Variants in METAP1D observed in about 807,000 individuals in gnomAD.
The protein encoded by METAP1D is methionine aminopeptidase 1D, mitochondrial.
A neutral mutation model predicts 40.5 loss-of-function variants in METAP1D; 31 were observed. The observed-to-expected ratio is 0.77, with a 90% confidence interval of 0.58 to 1.03. The LOEUF is 1.03. Among genes scored for constraint, METAP1D ranks in the 50% least tolerant of loss-of-function variants. The pLI, the probability that METAP1D is intolerant of heterozygous loss-of-function variation, is 0.00. For synonymous variants in METAP1D, 151 were observed against 146.4 expected, an observed-to-expected ratio of 1.03 and a Z score of -0.22; for missense variants, 411 against 420.7, an observed-to-expected ratio of 0.98 and a Z score of 0.20.
chr2:172,079,575 C>T (rs538139920), intron 8 of METAP1D, among the ~76,000 whole-genome samples: 1 of 152,216 alleles, frequency 6.6e-6, no homozygotes, highest in Non-Finnish European at 1.5e-5. Flanking sequence ...GTCCCTTGCT[C>T]CCTGTCAGCA....
At chr2:172,070,876 G>A (rs757673094) in intron 5 of METAP1D, 31 bp from the exon 6 acceptor site, 2 of 1,548,328 alleles carry the variant, frequency 1.3e-6, no homozygotes, top group African/African-American at 1.4e-5. Context: ...TTTAAACAAG[G>A]ACATATTTTT....
chr2:172,026,303 G>A (rs1442432670), intron 1 of METAP1D, among the ~76,000 whole-genome samples: 1 of 151,960 alleles, frequency 6.6e-6, no homozygotes, highest in Non-Finnish European at 1.5e-5. Flanking sequence ...CTGCAAATTG[G>A]TGGTTCCATC....
intron 1 of METAP1D, among the ~76,000 whole-genome samples, chr2:172,059,293 G>A (rs1690076962): frequency 6.6e-6 from 1 of 151,948 alleles, no homozygotes; most frequent in Non-Finnish European, 1.5e-5. Flanking sequence ...ATTTTTAGTA[G>A]AGACAAGGTG....
intron 1 of METAP1D, among the ~76,000 whole-genome samples, chr2:172,008,994 C>G (rs1045798164): frequency 1.3e-5 from 2 of 151,352 alleles, no homozygotes; most frequent in African/African-American, 4.8e-5. Context: ...GATTTCATCA[C>G]GCTGTGCAGA....
At chr2:172,042,161 G>A (rs200549158) in intron 1 of METAP1D, among the ~76,000 whole-genome samples, 26,993 of 59,326 alleles carry the variant, frequency 0.45, 10,375 homozygotes, top group Admixed American at 0.48. Context: ...ATGTGTACAT[G>A]TGTACACATA....
chr2:172,029,577 G>A (rs17581610), intron 1 of METAP1D, among the ~76,000 whole-genome samples: 8,816 of 152,230 alleles, frequency 0.058, 857 homozygotes, highest in East Asian at 0.49. Flanking sequence ...GCGAAACAGA[G>A]ATAGGGATTG....
chr2:172,009,418 C>G (rs1372136318), intron 1 of METAP1D, among the ~76,000 whole-genome samples: 2 of 151,374 alleles, frequency 1.3e-5, no homozygotes, highest in African/African-American at 4.8e-5. Flanking sequence ...AGGAGACTAC[C>G]GTAACAGGTT....
chr2:172,000,647 G>A (rs1688438930), intron 1 of METAP1D, among the ~76,000 whole-genome samples: 1 of 152,180 alleles, frequency 6.6e-6, no homozygotes, highest in Admixed American at 6.5e-5. Flanking sequence ...GACGGGGGAA[G>A]AGGAAAACTA....
intron 6 of METAP1D, among the ~76,000 whole-genome samples, 199 bp downstream of exon 6, chr2:172,071,269 G>A (rs1690416688): frequency 6.6e-6 from 1 of 151,928 alleles, no homozygotes; most frequent in African/African-American, 2.4e-5. Flanking sequence ...ATTATACCAG[G>A]GTCAGCAAAG....
intron 1 of METAP1D, among the ~76,000 whole-genome samples, chr2:172,059,921 C>T (rs898334548): frequency 2.0e-5 from 3 of 151,986 alleles, no homozygotes; most frequent in Non-Finnish European, 4.4e-5. Context: ...CCTGGTGGTG[C>T]GCGCCTGCAG....
At chr2:172,060,037 T>C (rs1415384819) in intron 1 of METAP1D, among the ~76,000 whole-genome samples, 4 of 150,528 alleles carry the variant, frequency 2.7e-5, no homozygotes, top group African/African-American at 9.8e-5. Flanking sequence ...GGCGACTGAG[T>C]GAGACTCCGT....
rs1690637499 is a variant in METAP1D, at chr2:172,079,260, TA to T, written c.849del (p.Ile283MetfsTer24). 1.2e-6 allele frequency: 2 copies of T among 1,614,092 alleles called. No individual in the cohort carries two copies. The highest frequency in any genetic ancestry group is 1.7e-6 in the Non-Finnish European group (2 of 1,179,982). On this transcript the variant is annotated frameshift_variant and splice_region_variant, in exon 8 of 10. Transcript: ENST00000315796. LOFTEE classifies it high-confidence loss of function. ...LPMEEGMAFT[I>X]EPIITEGSPE... ...ATGGAGGAGGGCATGGCATTCACTATAGGTAAATTGAGCTCCTCTTCCGAGT... is the reference window on the plus strand; with the variant it reads ...ATGGAGGAGGGCATGGCATTCACTATGGTAAATTGAGCTCCTCTTCCGAGT...
At chr2:172,021,953 T>C (rs1558997578) in intron 1 of METAP1D, 1 of 152,260 alleles carries the variant, frequency 6.6e-6, no homozygotes, top group Non-Finnish European at 1.5e-5. Flanking sequence ...GAATTGTCTG[T>C]TCTTTCAACT....
At chr2:172,001,433 G>A (rs1474137623) in intron 1 of METAP1D, among the ~76,000 whole-genome samples, 1 of 152,128 alleles carries the variant, frequency 6.6e-6, no homozygotes, top group Non-Finnish European at 1.5e-5. Flanking sequence ...AGCTACTCGG[G>A]AGACTGAGGT....
rs1689370151 is a variant in METAP1D at position 172,036,091 on chromosome 2, G to A, written c.41-25407G>A. ...CCAGCACTTTGGGAGGCCAAGGTGG[G>A]CGGATCACTAGGTCAGGAGATCAAG... On this transcript the variant is annotated intron_variant, in intron 1 of 9. Coordinates refer to ENST00000315796, the MANE Select transcript of METAP1D (RefSeq NM_199227.3). Among the ~76,000 whole-genome samples, 3 of 151,970 alleles carry A rather than the reference G, an allele frequency of 2.0e-5. No individual in the cohort carries two copies. The South Asian group carries it at 6.2e-4, about 32-fold the overall frequency.
chr2:172,005,520 T>TTTTATATATATATATATATATATATATA (rs1267182910), intron 1 of METAP1D, among the ~76,000 whole-genome samples: 3 of 110,948 alleles, frequency 2.7e-5, no homozygotes, highest in African/African-American at 9.5e-5. Flanking sequence ...TGTCTGTATT[T>TTTTATATATATATATATATATATATATA]TATATATATA....
At chr2:172,005,513 CTG>C (rs1688555891) in intron 1 of METAP1D, among the ~76,000 whole-genome samples, 1 of 101,332 alleles carries the variant, frequency 9.9e-6, no homozygotes, top group Non-Finnish European at 2.2e-5. Context: ...TCCATGGTGT[CTG>C]TATTTTATAT....
chr2:172,044,498 G>C (rs2105446432), intron 1 of METAP1D, among the ~76,000 whole-genome samples: 1 of 133,706 alleles, frequency 7.5e-6, no homozygotes. Context: ...AGGAGGCTGA[G>C]GCAGGAGAAT....
At chr2:172,045,753 ATATATGTGTGTATATATG>A (rs1432929932) in intron 1 of METAP1D, among the ~76,000 whole-genome samples, 3 of 84,608 alleles carry the variant, frequency 3.5e-5, no homozygotes, top group African/African-American at 1.1e-4. Flanking sequence ...GTATATATGT[ATATATGTGTGTATATATG>A]TATATATGTG....
Sources: allele counts gnomAD v4.1 joint callset (sites outside exome capture counted in the v4.1 genomes callset), GRCh38; gene constraint gnomAD v4.1.1; transcripts MANE v1.5; gene names NCBI Gene and HGNC (gene_info 2026-07-23, HGNC 2026-07-21).